DLGAP1: variants seen among roughly 807,000 people sequenced by gnomAD.
The protein encoded by DLGAP1 is DLG associated protein 1, also known as disks large-associated protein 1.
A neutral mutation model predicts 90.8 loss-of-function variants in DLGAP1; 11 were observed. That is an observed-to-expected ratio of 0.12 (90% CI 0.08 to 0.20). The LOEUF is 0.20. Ranked by LOEUF, DLGAP1 falls within the 10% of genes least tolerant of loss-of-function variation. The probability of loss-of-function intolerance (pLI) is 1.00; values close to 1 mark genes in which losing one functional copy is unlikely to be tolerated. For missense variants in DLGAP1, 1,050 were observed against 1,333.8 expected (o/e 0.79, Z 3.31); for synonymous variants, 558 against 540.7 (o/e 1.03, Z -0.44).
chr18:3,759,091 A>G (rs2063840708), intron 5 of DLGAP1, among the ~76,000 whole-genome samples: 1 of 142,366 alleles, frequency 7.0e-6, no homozygotes, highest in Non-Finnish European at 1.5e-5. Flanking sequence ...ACGGGGCATA[A>G]ATGTCATCAT....
chr18:4,086,493 G>T lies in DLGAP1; in HGVS notation c.-159+64687C>A, dbSNP rs35458537. 9.2e-5 allele frequency among the ~76,000 whole-genome samples: 14 copies of T among 152,066 alleles called. No homozygotes were observed. The South Asian group carries it at 1.0e-3, about 11-fold the overall frequency. On this transcript the variant is annotated intron_variant, in intron 2 of 12. Coordinates refer to ENST00000315677, the MANE Select transcript of DLGAP1 (RefSeq NM_004746.4). ...TTTAGCTGTGTCTCCCACAAGTTTC[G>T]ATATGTTGTGTTCTCATTTTAATTC...
At chr18:3,650,879 C>T (rs147502208) in intron 7 of DLGAP1, among the ~76,000 whole-genome samples, 20 of 151,242 alleles carry the variant, frequency 1.3e-4, no homozygotes, top group East Asian at 3.9e-4. Context: ...CCATCCTGGC[C>T]AACATGGTGA....
Position 3,825,430 on chromosome 18 carries a change from A to G in DLGAP1, c.958-11157T>C, listed in dbSNP as rs1598896134. Among the ~76,000 whole-genome samples the G allele has an allele frequency of 2.0e-5, 3 of 152,344 alleles. No individual in the cohort carries two copies. In the East Asian group the frequency reaches 5.8e-4, roughly 29 times the overall value. The stretch of plus-strand genomic sequence containing the variant: ...ATGGTGTAGTATTTGCATATAACCT[A>G]TGCATTATCTTCCCATATACTTTAA... On this transcript the variant is annotated intron_variant, in intron 4 of 12. Coordinates refer to ENST00000315677, the MANE Select transcript of DLGAP1 (RefSeq NM_004746.4).
At chr18:3,932,397 C>T (rs1430420771) in intron 3 of DLGAP1, among the ~76,000 whole-genome samples, 1 of 152,226 alleles carries the variant, frequency 6.6e-6, no homozygotes, top group Non-Finnish European at 1.5e-5. Flanking sequence ...ATCTTCTAAG[C>T]TCAGTGGCAG....
At chr18:3,519,302 A>G (rs1006984289) in intron 10 of DLGAP1, among the ~76,000 whole-genome samples, 1 of 152,168 alleles carries the variant, frequency 6.6e-6, no homozygotes, top group African/African-American at 2.4e-5. Flanking sequence ...CTATAGTCCC[A>G]TCGTATTTTC....
chr18:4,329,806 T>G (rs1028113034), intron 1 of DLGAP1, among the ~76,000 whole-genome samples: 5 of 152,068 alleles, frequency 3.3e-5, no homozygotes, highest in African/African-American at 1.2e-4. Context: ...GAAATGCAAT[T>G]AATGTTCATG....
chr18:4,408,920 C>T (rs56212059), intron 1 of DLGAP1, among the ~76,000 whole-genome samples: 4,410 of 151,714 alleles, frequency 0.029, 95 homozygotes, highest in South Asian at 0.097. Context: ...ACTAGCAATT[C>T]CTTCTAGAAT....
chr18:4,381,554 T>C (rs1453071256), intron 1 of DLGAP1, among the ~76,000 whole-genome samples: 1 of 152,174 alleles, frequency 6.6e-6, no homozygotes, highest in African/African-American at 2.4e-5. Flanking sequence ...TTTCTAACAG[T>C]CTGTCCTGCT....
chr18:3,891,458 A>G (rs1435920512), intron 3 of DLGAP1, among the ~76,000 whole-genome samples: 1 of 152,154 alleles, frequency 6.6e-6, no homozygotes, highest in African/African-American at 2.4e-5. Context: ...CTCTACTCCC[A>G]AAGCTGATTA....
At chr18:3,777,088 G>T (rs1264968991) in intron 5 of DLGAP1, among the ~76,000 whole-genome samples, 1 of 152,204 alleles carries the variant, frequency 6.6e-6, no homozygotes, top group East Asian at 1.9e-4. Flanking sequence ...CACCTGGTCA[G>T]AAAATTATTT....
At chr18:3,521,462 T>A (rs2051183492) in intron 10 of DLGAP1, among the ~76,000 whole-genome samples, 1 of 152,050 alleles carries the variant, frequency 6.6e-6, no homozygotes, top group African/African-American at 2.4e-5. Context: ...GCTTCCCAAA[T>A]CCCCCAAGGT....
At chr18:3,628,188 CTTTT>C (rs71160904) in intron 7 of DLGAP1, among the ~76,000 whole-genome samples, 4 of 123,670 alleles carry the variant, frequency 3.2e-5, no homozygotes, top group Non-Finnish European at 3.3e-5. Flanking sequence ...GTGCTATATT[CTTTT>C]TTTTTTTTTT....
intron 2 of DLGAP1, among the ~76,000 whole-genome samples, chr18:4,049,434 C>T (rs1015738380): frequency 3.3e-5 from 5 of 152,024 alleles, no homozygotes; most frequent in African/African-American, 7.3e-5. Context: ...TCATGCTGGC[C>T]GTCACACTGG....
chr18:3,617,524 G>A (rs2057917659), intron 7 of DLGAP1, among the ~76,000 whole-genome samples: 1 of 150,148 alleles, frequency 6.7e-6, no homozygotes, highest in African/African-American at 2.5e-5. Context: ...CCGGGAGGTG[G>A]AGGTTGCAGT....
At chr18:4,434,588 T>C (rs1423242420) in intron 1 of DLGAP1, among the ~76,000 whole-genome samples, 1 of 152,134 alleles carries the variant, frequency 6.6e-6, no homozygotes. Flanking sequence ...TGTTCCCAAC[T>C]CTCAACTCCT....
At chr18:4,253,748 CG>C (rs1407391145) in intron 1 of DLGAP1, among the ~76,000 whole-genome samples, 1 of 152,012 alleles carries the variant, frequency 6.6e-6, no homozygotes, top group Non-Finnish European at 1.5e-5. Flanking sequence ...TTATCCATGG[CG>C]ATCACAATTA....
intron 1 of DLGAP1, among the ~76,000 whole-genome samples, chr18:4,384,350 T>G (rs1756218133): frequency 6.6e-6 from 1 of 152,186 alleles, no homozygotes; most frequent in African/African-American, 2.4e-5. Flanking sequence ...TAGTAAGTGC[T>G]CAGCAAGTTG....
At chr18:3,947,819 T>A (rs1054748905) in intron 3 of DLGAP1, among the ~76,000 whole-genome samples, 3 of 151,346 alleles carry the variant, frequency 2.0e-5, no homozygotes, top group Non-Finnish European at 4.4e-5. Context: ...TCAGAGATCC[T>A]TTTATATTAA....
intron 1 of DLGAP1, among the ~76,000 whole-genome samples, chr18:4,404,763 A>G (rs895276698): frequency 2.6e-5 from 4 of 152,240 alleles, no homozygotes; most frequent in African/African-American, 9.6e-5. Flanking sequence ...TAAAGGCCAG[A>G]CAAATACAGC....
Sources: gnomAD v4.1 joint callset for allele counts (sites outside exome capture counted in the v4.1 genomes callset) on GRCh38, gnomAD v4.1.1 for gene constraint, MANE v1.5 for transcripts, NCBI Gene and HGNC (gene_info 2026-07-23, HGNC 2026-07-21) for gene names.